Variants in COL8A2 observed in about 807,000 individuals in gnomAD.
The protein encoded by COL8A2 is collagen alpha-2(VIII) chain.
COL8A2 carries 16 observed loss-of-function variants against 24.0 expected under a neutral mutation model. The observed-to-expected ratio is 0.67, with a 90% CI of 0.45 to 1.01. COL8A2 has a LOEUF of 1.01. Ranked by LOEUF, COL8A2 falls within the 50% of genes least tolerant of loss-of-function variation. COL8A2 has a pLI of 0.00. For missense variants in COL8A2, 818 were observed against 942.4 expected (o/e 0.87, Z 1.73); for synonymous variants, 466 against 424.5 (o/e 1.10, Z -1.20).
At chr1:36,124,867 G>A (rs902927148) in intron 1 of COL8A2, among the ~76,000 whole-genome samples, 190 bp downstream of exon 1, 2 of 152,046 alleles carry the variant, frequency 1.3e-5, no homozygotes, top group Non-Finnish European at 2.9e-5. Flanking sequence ...GGGAGGGAAC[G>A]GGGCACAGGG....
chr1:36,096,978 CTG>C lies in COL8A2; in HGVS notation c.*589_*590del, dbSNP rs1422912401. ...TTGCCCTTTCCCAGGGCAACAGGCA[CTG>C]TGCCCACCACGGACATGTCTGATGC... On this transcript the variant is annotated 3_prime_UTR_variant, in exon 4 of 4. Transcript: ENST00000397799. 6.5e-6 allele frequency: 1 copy of C among 154,498 alleles called. No homozygotes were observed. The highest frequency in any genetic ancestry group is 2.4e-5 in the African/African-American group (1 of 41,476). The allele number at this position is 154,498 out of a possible 1,614,324, so 9.6% of individuals were successfully genotyped here.
At chr1:36,104,541 C>T (rs1406777257) in intron 2 of COL8A2, among the ~76,000 whole-genome samples, 6 of 150,800 alleles carry the variant, frequency 4.0e-5, no homozygotes, top group Middle Eastern at 3.2e-3. Flanking sequence ...GACGCGGTGG[C>T]TCACACCTGT....
chr1:36,101,358 T>C (rs929795015), intron 2 of COL8A2, among the ~76,000 whole-genome samples: 1 of 152,202 alleles, frequency 6.6e-6, no homozygotes, highest in African/African-American at 2.4e-5. Flanking sequence ...CGCCTGCTAT[T>C]TCTCTGCCTG....
chr1:36,112,598 C>G (rs781258239), intron 2 of COL8A2, among the ~76,000 whole-genome samples: 1 of 152,128 alleles, frequency 6.6e-6, no homozygotes, highest in Non-Finnish European at 1.5e-5. Context: ...AAACTCAGCC[C>G]AGCACCTGGC....
chr1:36,107,678 T>C (rs1298715236), intron 2 of COL8A2, among the ~76,000 whole-genome samples: 1 of 152,018 alleles, frequency 6.6e-6, no homozygotes, highest in Non-Finnish European at 1.5e-5. Flanking sequence ...TGATGCCCCC[T>C]GGAATGGTGA....
rs1166544546 is a variant in COL8A2 at position 36,098,441 on chromosome 1, G to C, written c.1240C>G (p.Pro414Ala). Residue 414 changes from proline (P) to alanine (A), a missense_variant, in exon 4 of 4, where the codon CCT (proline) becomes GCT (alanine). This residue lies in a region of COL8A2 where 573 missense variants were observed against 616.8 expected (regional missense o/e 0.93). Transcript: ENST00000397799. ...GGTCCAGGGGGTCCATGGGCCCCAG[G>C]AAGTCCCCTCTCACCTGGGACCCCT... is the stretch of plus-strand genomic sequence containing the variant. ...KPGVPGERGL[P>A]GAHGPPGPTG... 4 of 1,587,142 alleles carry C rather than the reference G, an allele frequency of 2.5e-6. No homozygotes were observed. Among genetic ancestry groups the C allele is most frequent in the Non-Finnish European group, 2.6e-6 (3 of 1,167,398 alleles).
chr1:36,099,031 C>T lies in COL8A2; in HGVS notation c.650G>A (p.Gly217Glu). The stretch of plus-strand genomic sequence containing the variant: ...GGGGGCACCCCCCTGCCCTGGGGCC[C>T]CAGGCAGCCCGGGCTGGCCCACTCC... ...DNGVGQPGLP[G>E]APGQGGAPGP... The change falls in exon 4 of 4, where the codon GGG (glycine) becomes GAG (glutamate). Residue 217 changes from glycine to glutamate, a missense_variant. By Grantham distance (98) the Gly-to-Glu change is moderately conservative (BLOSUM62 -2). Transcript: ENST00000397799. 6.4e-7 allele frequency: 1 copy of T among 1,551,594 alleles called. No homozygotes were observed. The highest frequency in any genetic ancestry group is 1.4e-5 in the African/African-American group (1 of 71,692).
intron 1 of COL8A2, among the ~76,000 whole-genome samples, chr1:36,116,147 C>T (rs533617136): frequency 6.6e-6 from 1 of 152,232 alleles, no homozygotes; most frequent in South Asian, 2.1e-4. Flanking sequence ...CCAGTGCCTG[C>T]CCCGGGCTTC....
intron 2 of COL8A2, among the ~76,000 whole-genome samples, chr1:36,113,987 T>C (rs1470626468): frequency 6.6e-6 from 1 of 152,032 alleles, no homozygotes; most frequent in African/African-American, 2.4e-5. Context: ...AACCTGGGGC[T>C]CTGGAACTCG....
At chr1:36,119,899 T>C (rs918587928) in intron 1 of COL8A2, among the ~76,000 whole-genome samples, 2 of 151,940 alleles carry the variant, frequency 1.3e-5, no homozygotes, top group African/African-American at 4.8e-5. Flanking sequence ...ATGGATGGGG[T>C]TACACAGACT....
rs1332135442 is a variant in COL8A2 at position 36,099,436 on chromosome 1, G to C, written c.245C>G (p.Pro82Arg). ...PMDLKGEPGP[P>R]GKPGPRGPPG... ...GGGACCCCGAGGCCCGGGCTTCCCA[G>C]GGGGGCCGGGCTCTCCCTTCAGGTC... Residue 82 changes from proline to arginine, a missense_variant, in exon 4 of 4, where the codon CCT becomes CGT. Physicochemically the swap from Pro to Arg is moderately radical, Grantham distance 103 (BLOSUM62 -2). Around this residue, in one of 3 missense-constraint regions of COL8A2, gnomAD observed 573 missense variants for 616.8 expected, o/e 0.93. Coordinates refer to ENST00000397799, the MANE Select transcript of COL8A2 (RefSeq NM_005202.4). The C allele has an allele frequency of 6.5e-7, 1 of 1,545,650 alleles. No homozygotes were observed. The highest frequency in any genetic ancestry group is 1.7e-4 in the Middle Eastern group (1 of 5,918).
intron 3 of COL8A2, 91 bp from the exon 4 acceptor site, chr1:36,099,578 C>G: frequency 2.1e-6 from 2 of 967,598 alleles, no homozygotes; most frequent in Non-Finnish European, 3.2e-6. Context: ...GTATGAGGTA[C>G]ACGGGAGAGG....
In COL8A2 at chr1:36,125,157, G is replaced by T. The variant is rs866434432; in HGVS notation, c.-162C>A. On this transcript the variant is annotated 5_prime_UTR_variant, in exon 1 of 4. Coordinates refer to ENST00000397799, the MANE Select transcript of COL8A2 (RefSeq NM_005202.4). This position sits in a 1 kb window ranked among gnomAD's most constrained non-coding sequence, Gnocchi z 4.5. Reference sequence around the variant, plus strand: ...TCCGCGGCTGGGCGGGCGGCGTTGGGGTCCGGGGTCCGCGCCGGCGGGGTT... The same window carrying T: ...TCCGCGGCTGGGCGGGCGGCGTTGGTGTCCGGGGTCCGCGCCGGCGGGGTT... The T allele has an allele frequency of 1.5e-5, 8 of 540,002 alleles. No individual in the cohort carries two copies. Among genetic ancestry groups the T allele is most frequent in the Middle Eastern group, 8.8e-4 (1 of 1,138 alleles). The allele number at this position is 540,002 out of a possible 1,614,324, so 33.5% of individuals were successfully genotyped here. A position where few individuals can be genotyped will look rare whatever the true frequency, so the allele number is the denominator to read the frequency against.
chr1:36,120,055 T>C (rs1643899091), intron 1 of COL8A2, among the ~76,000 whole-genome samples: 1 of 152,062 alleles, frequency 6.6e-6, no homozygotes, highest in African/African-American at 2.4e-5. Context: ...TCCTAGATAA[T>C]AGAAAATACC....
intron 2 of COL8A2, among the ~76,000 whole-genome samples, chr1:36,109,074 C>T (rs915266713): frequency 7.2e-5 from 11 of 152,326 alleles, no homozygotes; most frequent in African/African-American, 2.2e-4. Context: ...CGCAGCCCTG[C>T]GCAGGCCCCT....
chr1:36,102,262 G>T (rs1643688002), intron 2 of COL8A2, among the ~76,000 whole-genome samples: 1 of 152,218 alleles, frequency 6.6e-6, no homozygotes, highest in Admixed American at 6.5e-5. Context: ...TGTACATGTT[G>T]TGTGATTCCA....
Position 36,100,074 on chromosome 1 carries a change from G to A in COL8A2, c.169C>T (p.Arg57Cys), listed in dbSNP as rs541327870. The change falls in exon 3 of 4, where the codon CGT becomes TGT. Residue 57 changes from arginine (R) to cysteine (C), a missense_variant. Around this residue, in one of 3 missense-constraint regions of COL8A2, gnomAD observed 573 missense variants for 616.8 expected, o/e 0.93. Coordinates refer to ENST00000397799, the MANE Select transcript of COL8A2 (RefSeq NM_005202.4). ...MQKGPVGPPF[R>C]EGKGQYLEMP... ...CCCAGGTACTGGCCTTTGCCCTCAC[G>A]GAAGGGCGGTCCCACAGGTCCTTTC... is the stretch of plus-strand genomic sequence containing the variant. 3.2e-5 allele frequency: 52 copies of A among 1,611,728 alleles called. No individual in the cohort carries two copies. Among genetic ancestry groups the A allele is most frequent in the Non-Finnish European group, 3.8e-5 (45 of 1,178,230 alleles).
chr1:36,103,304 G>T (rs1643706183), intron 2 of COL8A2, among the ~76,000 whole-genome samples: 1 of 151,940 alleles, frequency 6.6e-6, no homozygotes, highest in African/African-American at 2.4e-5. Context: ...ACAGGGTCTT[G>T]CTCTGTTGCC....
At chr1:36,116,169 C>T (rs1345589756) in intron 1 of COL8A2, among the ~76,000 whole-genome samples, 1 of 152,132 alleles carries the variant, frequency 6.6e-6, no homozygotes, top group African/African-American at 2.4e-5. Context: ...TACCAGAACC[C>T]CCTGCTGGAA....
Sources: allele counts gnomAD v4.1 joint callset (sites outside exome capture counted in the v4.1 genomes callset), GRCh38; gene constraint gnomAD v4.1.1; regional missense constraint gnomAD v4.1.1; non-coding constraint Gnocchi (gnomAD v3.1); transcripts MANE v1.5; gene names NCBI Gene and HGNC (gene_info 2026-07-23, HGNC 2026-07-21).